The following KDM4C variants were observed in gnomAD, a reference collection of about 807,000 sequenced individuals.
KDM4C encodes the protein lysine-specific demethylase 4C.
Under a neutral mutation model 129.3 loss-of-function variants are expected in KDM4C, and 81 were observed. The observed-to-expected ratio is 0.63, with a 90% CI of 0.52 to 0.75. KDM4C has a LOEUF of 0.75. Ranked by LOEUF, KDM4C falls within the 30% of genes least tolerant of loss-of-function variation. The pLI is 0.00. For synonymous variants in KDM4C, 573 were observed against 456.1 expected (o/e 1.26, Z -3.26); for missense variants, 1,457 against 1,304.0 (o/e 1.12, Z -1.81).
At chr9:6,880,138 CT>C in intron 6 of KDM4C, 77 bp downstream of exon 6, 2 of 884,130 alleles carry the variant, frequency 2.3e-6, no homozygotes, top group Non-Finnish European at 1.8e-6. Flanking sequence ...TTTTGAGGTA[CT>C]TTTTACAATA....
intron 8 of KDM4C, among the ~76,000 whole-genome samples, chr9:6,945,624 A>G (rs1193715027): frequency 6.6e-6 from 1 of 152,202 alleles, no homozygotes; most frequent in Admixed American, 6.5e-5. Flanking sequence ...GGAATTTACT[A>G]CTTAGAGATA....
intron 15 of KDM4C, among the ~76,000 whole-genome samples, chr9:7,035,093 T>G (rs1246015154): frequency 6.6e-6 from 1 of 151,608 alleles, no homozygotes; most frequent in Non-Finnish European, 1.5e-5. Flanking sequence ...GCTCACTGTA[T>G]TCTCTACTTC....
chr9:7,042,390 T>G (rs7850439), intron 15 of KDM4C, among the ~76,000 whole-genome samples: 8,466 of 152,166 alleles, frequency 0.056, 267 homozygotes, highest in South Asian at 0.098. Flanking sequence ...TTGGTTTGTT[T>G]TAAATGGTAT....
rs550458320 is a variant in KDM4C, at chr9:6,806,510, T to TAAAC, written c.320+739_320+740insCAAA. Among the ~76,000 whole-genome samples the TAAAC allele has an allele frequency of 3.3e-3, 494 of 150,700 alleles. 1 individual carries two copies. Among genetic ancestry groups the TAAAC allele is most frequent in the African/African-American group, 0.011 (468 of 41,124 alleles). ...ACTCCGTCTCGAAAAAATAAATAAATAAATAAATAAATAAATAAATAAATA... is the reference window on the plus strand; with the variant it reads ...ACTCCGTCTCGAAAAAATAAATAAATAAACAAATAAATAAATAAATAAATAAATA... On this transcript the variant is annotated intron_variant, in intron 3 of 21. Coordinates refer to ENST00000381309, the MANE Select transcript of KDM4C (RefSeq NM_015061.6).
chr9:7,048,057 G>T (rs1056150955), intron 16 of KDM4C, among the ~76,000 whole-genome samples: 4 of 152,030 alleles, frequency 2.6e-5, no homozygotes, highest in African/African-American at 9.7e-5. Flanking sequence ...TTTGAAAGAA[G>T]ATGTTCTTCC....
chr9:6,889,997 C>T (rs1845888552), intron 7 of KDM4C, among the ~76,000 whole-genome samples: 1 of 151,890 alleles, frequency 6.6e-6, no homozygotes, highest in African/African-American at 2.4e-5. Context: ...TGGAAAGTGG[C>T]GAGATGAATT....
At chr9:6,769,479 A>T (rs1821323745) in intron 1 of KDM4C, among the ~76,000 whole-genome samples, 1 of 152,124 alleles carries the variant, frequency 6.6e-6, no homozygotes, top group Admixed American at 6.6e-5. Context: ...TAGAAAATTT[A>T]TTTCCATTTC....
In KDM4C at chr9:7,066,360, G is replaced by T. The variant is rs183875744; in HGVS notation, c.2424+17160G>T. On this transcript the variant is annotated intron_variant, in intron 17 of 21. Transcript: ENST00000381309. ...TACAGAACTTTCAAGGATGTCATTT[G>T]TTCTTTTGGTAGTTTTGGAAGGCAC... Among the ~76,000 whole-genome samples the T allele has an allele frequency of 2.3e-4, 35 of 152,200 alleles. No individual in the cohort carries two copies. In the South Asian group the frequency reaches 6.2e-3, roughly 27 times the overall value.
At chr9:6,781,924 A>T (rs1224401463) in intron 1 of KDM4C, among the ~76,000 whole-genome samples, 1 of 151,208 alleles carries the variant, frequency 6.6e-6, no homozygotes, top group Non-Finnish European at 1.5e-5. Flanking sequence ...TCCTGGGTTC[A>T]GGCTATTCTC....
intron 8 of KDM4C, among the ~76,000 whole-genome samples, chr9:6,952,633 G>A (rs1405219045): frequency 1.3e-5 from 2 of 151,894 alleles, no homozygotes; most frequent in Non-Finnish European, 2.9e-5. Flanking sequence ...TAGAGACGGG[G>A]TTTCACTATG....
chr9:6,855,315 T>A (rs1839603877), intron 5 of KDM4C, among the ~76,000 whole-genome samples: 1 of 151,718 alleles, frequency 6.6e-6, no homozygotes, highest in African/African-American at 2.4e-5. Flanking sequence ...AAAAATTAGC[T>A]GGGCATGGTG....
At chr9:7,102,790 A>T (rs143097000) in intron 17 of KDM4C, among the ~76,000 whole-genome samples, 205 of 152,318 alleles carry the variant, frequency 1.3e-3, no homozygotes, top group African/African-American at 4.8e-3. Context: ...ACTCTTCAGA[A>T]TGAAAATTTG....
chr9:6,739,521 A>T (rs1280208105), intron 1 of KDM4C, among the ~76,000 whole-genome samples: 2 of 152,186 alleles, frequency 1.3e-5, no homozygotes, highest in Non-Finnish European at 2.9e-5. Context: ...ACTTCTCAGC[A>T]TCAAATAACA....
At chr9:6,780,043 C>G (rs1268142867) in intron 1 of KDM4C, among the ~76,000 whole-genome samples, 1 of 152,140 alleles carries the variant, frequency 6.6e-6, no homozygotes, top group Non-Finnish European at 1.5e-5. Context: ...CTGACTCACC[C>G]TTATCTTAAC....
intron 17 of KDM4C, among the ~76,000 whole-genome samples, chr9:7,071,975 A>G (rs1363053918): frequency 6.6e-6 from 1 of 152,182 alleles, no homozygotes; most frequent in Non-Finnish European, 1.5e-5. Flanking sequence ...ACAATAAAAG[A>G]ACCTTATAAA....
intron 5 of KDM4C, among the ~76,000 whole-genome samples, chr9:6,867,260 C>T (rs949830505): frequency 6.6e-6 from 1 of 152,058 alleles, no homozygotes; most frequent in Admixed American, 6.5e-5. Flanking sequence ...GTGATCCGCC[C>T]ACCTCGGCCT....
intron 15 of KDM4C, among the ~76,000 whole-genome samples, chr9:7,041,986 C>T (rs1828679295): frequency 6.6e-6 from 1 of 152,014 alleles, no homozygotes; most frequent in Non-Finnish European, 1.5e-5. Context: ...GATTATTCAT[C>T]ACAGATCCAT....
At position 7,047,372 on chromosome 9, in the gene KDM4C, G is replaced by A. The variant is rs117226746; in HGVS notation, c.2315+455G>A. ...TTAGCAAATTTATGAGAATGTAAGTGTACTAAATTAGAAAAGATAGGGAGA... is the reference window on the plus strand; with the variant it reads ...TTAGCAAATTTATGAGAATGTAAGTATACTAAATTAGAAAAGATAGGGAGA... On this transcript the variant is annotated intron_variant, in intron 16 of 21. Transcript: ENST00000381309. 9.5e-3 allele frequency among the ~76,000 whole-genome samples: 1,448 copies of A among 152,118 alleles called. 11 individuals are homozygous for A. The highest frequency in any genetic ancestry group is 0.019 in the South Asian group (91 of 4,822).
chr9:7,037,098 C>G (rs1263841296), intron 15 of KDM4C, among the ~76,000 whole-genome samples: 1 of 152,160 alleles, frequency 6.6e-6, no homozygotes, highest in Non-Finnish European at 1.5e-5. Flanking sequence ...ATGGTTCTCC[C>G]ATGTCTTGCT....
Sources: allele counts gnomAD v4.1 joint callset (sites outside exome capture counted in the v4.1 genomes callset), GRCh38; gene constraint gnomAD v4.1.1; transcripts MANE v1.5; gene names NCBI Gene and HGNC (gene_info 2026-07-23, HGNC 2026-07-21).